ANKRD44: variants seen among roughly 807,000 people sequenced by gnomAD.
ANKRD44 encodes ankyrin repeat domain 44.
A neutral mutation model predicts 116.0 loss-of-function variants in ANKRD44; 35 were observed. That is an observed-to-expected ratio of 0.30 (90% CI 0.23 to 0.40). ANKRD44 has a LOEUF of 0.40. ANKRD44 is among the 10% of genes least tolerant of loss of function. The pLI is 1.00. For missense variants in ANKRD44, 1,014 were observed against 1,242.6 expected (o/e 0.82, Z 2.77); for synonymous variants, 435 against 461.8 (o/e 0.94, Z 0.74).
intron 2 of ANKRD44, among the ~76,000 whole-genome samples, chr2:197,185,771 T>C (rs893187287): frequency 6.6e-6 from 1 of 152,180 alleles, no homozygotes; most frequent in Non-Finnish European, 1.5e-5. Context: ...AAAATATGTA[T>C]ATAGTGCACA....
At chr2:197,149,503 G>T (rs1332515877) in intron 2 of ANKRD44, among the ~76,000 whole-genome samples, 1 of 152,154 alleles carries the variant, frequency 6.6e-6, no homozygotes, top group East Asian at 1.9e-4. Context: ...CTGTTAATAT[G>T]TGCTTAAAGG....
chr2:197,064,484 C>T (rs971159915), intron 16 of ANKRD44, among the ~76,000 whole-genome samples: 1 of 152,126 alleles, frequency 6.6e-6, no homozygotes, highest in Non-Finnish European at 1.5e-5. Flanking sequence ...GCTAAATGCT[C>T]CAATTAAAAG....
chr2:197,154,953 T>A (rs1019280248), intron 2 of ANKRD44, among the ~76,000 whole-genome samples: 7 of 152,144 alleles, frequency 4.6e-5, no homozygotes, highest in African/African-American at 1.7e-4. Flanking sequence ...ATATTTTCTA[T>A]CTCTAAACAT....
Position 197,295,300 on chromosome 2 carries a change from TA to T in ANKRD44, c.27+15277del, listed in dbSNP as rs537076501. Among the ~76,000 whole-genome samples the T allele has an allele frequency of 4.6e-5, 7 of 152,304 alleles. No homozygotes were observed. The South Asian group carries it at 1.4e-3, about 32-fold the overall frequency. On this transcript the variant is annotated intron_variant, in intron 1 of 27. Coordinates refer to ENST00000282272, the MANE Select transcript of ANKRD44 (RefSeq NM_001195144.2). The stretch of plus-strand genomic sequence containing the variant: ...CAAGAGGTTGGCAAATTTTTTCCTG[TA>T]AAAGGCCAGATAATAAATATTTTCA...
intron 1 of ANKRD44, among the ~76,000 whole-genome samples, chr2:197,204,804 G>A (rs2081170288): frequency 6.6e-6 from 1 of 152,178 alleles, no homozygotes; most frequent in Non-Finnish European, 1.5e-5. Flanking sequence ...CCTTTGAAGG[G>A]ATATAGTACT....
intron 2 of ANKRD44, among the ~76,000 whole-genome samples, chr2:197,186,139 G>A (rs934500934): frequency 6.6e-6 from 1 of 152,082 alleles, no homozygotes; most frequent in African/African-American, 2.4e-5. Flanking sequence ...ATTTTTAGCA[G>A]GAGGCCTGCA....
intron 1 of ANKRD44, among the ~76,000 whole-genome samples, chr2:197,271,002 G>A (rs1450246519): frequency 3.9e-5 from 6 of 152,168 alleles, no homozygotes; most frequent in Non-Finnish European, 5.9e-5. Flanking sequence ...CAAGCAGACC[G>A]TGCAGCTGCC....
intron 16 of ANKRD44, among the ~76,000 whole-genome samples, chr2:197,046,483 C>T (rs10193427): frequency 0.049 from 7,462 of 152,142 alleles, 609 homozygotes; most frequent in African/African-American, 0.17. Context: ...TCTGAATTTA[C>T]ACCTTTGAGG....
chr2:196,995,209 G>A (rs1010596299), intron 26 of ANKRD44, 170 bp downstream of exon 26: 3 of 392,192 alleles, frequency 7.6e-6, no homozygotes, highest in Non-Finnish European at 1.4e-5. Context: ...TGCCCAGCTT[G>A]GTCAGCACTT....
intron 2 of ANKRD44, among the ~76,000 whole-genome samples, chr2:197,174,974 G>T (rs2080329987): frequency 6.6e-6 from 1 of 152,188 alleles, no homozygotes; most frequent in African/African-American, 2.4e-5. Context: ...AAACCTTTAA[G>T]TCTATAAAAT....
intron 13 of ANKRD44, among the ~76,000 whole-genome samples, chr2:197,086,297 CT>C (rs1323716273): frequency 6.6e-6 from 1 of 152,102 alleles, no homozygotes; most frequent in East Asian, 1.9e-4. Context: ...TTAAACATGT[CT>C]GAAAATTCAT....
chr2:197,278,745 T>C (rs1186405757), intron 1 of ANKRD44, among the ~76,000 whole-genome samples: 1 of 152,182 alleles, frequency 6.6e-6, no homozygotes, highest in African/African-American at 2.4e-5. Context: ...CCCTACCCAC[T>C]TTCTCTTCCC....
intron 20 of ANKRD44, among the ~76,000 whole-genome samples, chr2:197,006,238 C>T (rs957619781): frequency 6.6e-6 from 1 of 151,872 alleles, no homozygotes; most frequent in African/African-American, 2.4e-5. Flanking sequence ...GTCAGGAGAT[C>T]GAGACCATCC....
At chr2:197,065,008 C>G (rs556740966) in intron 16 of ANKRD44, among the ~76,000 whole-genome samples, 111 of 152,318 alleles carry the variant, frequency 7.3e-4, no homozygotes, top group African/African-American at 2.6e-3. Context: ...ACATTTTTCT[C>G]AGCACCACAT....
intron 21 of ANKRD44, among the ~76,000 whole-genome samples, chr2:196,979,601 T>G (rs1425307411): frequency 1.4e-5 from 2 of 146,238 alleles, no homozygotes; most frequent in African/African-American, 5.0e-5. Context: ...TTGGCTCTTG[T>G]TGCCCAGGCT....
intron 13 of ANKRD44, among the ~76,000 whole-genome samples, chr2:197,084,526 A>AGAATCC (rs2077875123): frequency 6.6e-6 from 1 of 152,204 alleles, no homozygotes; most frequent in African/African-American, 2.4e-5. Flanking sequence ...AGAACAATGC[A>AGAATCC]GAATCCGAAT....
chr2:197,118,568 T>C (rs1340508972), intron 8 of ANKRD44, among the ~76,000 whole-genome samples: 1 of 143,886 alleles, frequency 6.9e-6, no homozygotes, highest in East Asian at 2.0e-4. Context: ...CTAGCCTGAA[T>C]GACAAGAGCA....
In ANKRD44 at chr2:196,990,034, CTG is replaced by C. The variant is rs1009345627; in HGVS notation, c.2924-387_2924-386del. 4 of 1,014,610 alleles carry C rather than the reference CTG, an allele frequency of 3.9e-6. No homozygotes were observed. In the African/African-American group the frequency reaches 6.9e-5, roughly 18 times the overall value. 62.9% of individuals were successfully genotyped at this position (1,014,610 alleles called of 1,614,324 possible). A position where few individuals can be genotyped will look rare whatever the true frequency, so the allele number is the denominator to read the frequency against. On this transcript the variant is annotated intron_variant, in intron 27 of 27. Transcript: ENST00000282272. ...AGTCACAGGCTTGTTATAGGGAACA[CTG>C]TGTTAAACAAAAAAAGCAAGTTCAA...
At chr2:197,141,451 T>G (rs1159988224) in intron 3 of ANKRD44, among the ~76,000 whole-genome samples, 1 of 152,220 alleles carries the variant, frequency 6.6e-6, no homozygotes, top group Non-Finnish European at 1.5e-5. Flanking sequence ...TACCGCATTC[T>G]GAAAATTTTT....
Sources: gnomAD v4.1 joint callset for allele counts (sites outside exome capture counted in the v4.1 genomes callset) on GRCh38, gnomAD v4.1.1 for gene constraint, MANE v1.5 for transcripts, NCBI Gene and HGNC (gene_info 2026-07-23, HGNC 2026-07-21) for gene names.